ATP8A2: variants seen among roughly 807,000 people sequenced by gnomAD.
The protein encoded by ATP8A2 is phospholipid-transporting ATPase IB.
ATP8A2 carries 100 observed loss-of-function variants against 165.6 expected under a neutral mutation model. The observed-to-expected ratio is 0.60, with a 90% CI of 0.51 to 0.71. The LOEUF (loss-of-function observed/expected upper bound fraction) is 0.71, where lower values mean the gene tolerates loss of function less well. Among genes scored for constraint, ATP8A2 ranks in the 30% least tolerant of loss-of-function variants. The probability of loss-of-function intolerance (pLI) is 0.00; values close to 1 mark genes in which losing one functional copy is unlikely to be tolerated. For missense variants in ATP8A2, 1,227 were observed against 1,479.5 expected (o/e 0.83, Z 2.80); for synonymous variants, 543 against 548.8 (o/e 0.99, Z 0.15).
intron 27 of ATP8A2, among the ~76,000 whole-genome samples, chr13:25,788,947 C>T (rs908077679): frequency 6.6e-6 from 1 of 152,158 alleles, no homozygotes; most frequent in African/African-American, 2.4e-5. Context: ...AGATGCTTTG[C>T]TTGAGTTACA....
intron 25 of ATP8A2, among the ~76,000 whole-genome samples, chr13:25,738,990 T>C (rs914787672): frequency 3.3e-5 from 5 of 152,258 alleles, no homozygotes; most frequent in African/African-American, 4.8e-5. Context: ...GTCCAACTTA[T>C]CTTGTTGATG....
At chr13:25,662,273 G>T (rs1327842518) in intron 24 of ATP8A2, among the ~76,000 whole-genome samples, 1 of 152,124 alleles carries the variant, frequency 6.6e-6, no homozygotes, top group Non-Finnish European at 1.5e-5. Context: ...TTAACCAGGA[G>T]ACAAAGGAAG....
intron 30 of ATP8A2, among the ~76,000 whole-genome samples, chr13:25,855,386 G>A (rs1462155735): frequency 2.6e-5 from 4 of 152,166 alleles, no homozygotes; most frequent in Non-Finnish European, 5.9e-5. Flanking sequence ...GTGGCCTTTG[G>A]TGTCTGGCTT....
intron 24 of ATP8A2, among the ~76,000 whole-genome samples, chr13:25,629,222 A>G (rs1331202164): frequency 6.6e-6 from 1 of 152,154 alleles, no homozygotes. Context: ...TTGGCTGTTG[A>G]TTGTTGTAAC....
chr13:25,897,951 A>C (rs1953611149), intron 33 of ATP8A2, among the ~76,000 whole-genome samples: 1 of 151,982 alleles, frequency 6.6e-6, no homozygotes, highest in South Asian at 2.1e-4. Context: ...TTTTTTTCAA[A>C]GTTTTTAACT....
intron 2 of ATP8A2, among the ~76,000 whole-genome samples, chr13:25,518,219 A>G (rs2137824195): frequency 6.6e-6 from 1 of 152,306 alleles, no homozygotes; most frequent in African/African-American, 2.4e-5. Context: ...TCAACTTCCA[A>G]TCATCTAGAA....
intron 27 of ATP8A2, among the ~76,000 whole-genome samples, chr13:25,816,235 A>G (rs1445405650): frequency 2.0e-5 from 3 of 152,224 alleles, no homozygotes; most frequent in Non-Finnish European, 4.4e-5. Context: ...TGAGATTTGT[A>G]GATACATGGA....
At chr13:25,532,158 T>G in intron 4 of ATP8A2, 114 bp from the exon 5 acceptor site, 1 of 792,158 alleles carries the variant, frequency 1.3e-6, no homozygotes, top group Non-Finnish European at 2.1e-6. Context: ...AGCATGAGCA[T>G]TATTGGCATT....
At chr13:25,447,191 T>C (rs1363764410) in intron 1 of ATP8A2, among the ~76,000 whole-genome samples, 1 of 152,218 alleles carries the variant, frequency 6.6e-6, no homozygotes, top group Non-Finnish European at 1.5e-5. Context: ...TTTTGACAAA[T>C]AATTTTTGGG....
rs181291490 is a variant in ATP8A2 at position 25,421,988 on chromosome 13, C to A, written c.77-46989C>A. On this transcript the variant is annotated intron_variant, in intron 1 of 36. Coordinates refer to ENST00000381655, the MANE Select transcript of ATP8A2 (RefSeq NM_016529.6). The stretch of plus-strand genomic sequence containing the variant: ...GTACCTAGAACAGATCTGCTCGTTA[C>A]GTCCTCCCTACCTCAGTCCCACCAG... Among the ~76,000 whole-genome samples the A allele has an allele frequency of 2.6e-5, 4 of 152,300 alleles. No homozygotes were observed. In the East Asian group the frequency reaches 5.8e-4, roughly 22 times the overall value.
chr13:25,748,098 T>G (rs966235098), intron 25 of ATP8A2, among the ~76,000 whole-genome samples: 1 of 152,252 alleles, frequency 6.6e-6, no homozygotes, highest in Admixed American at 6.5e-5. Context: ...GAGATATATT[T>G]GTATCATCAT....
chr13:25,944,576 A>T (rs7990265), intron 33 of ATP8A2: 58,294 of 151,662 alleles, frequency 0.38, 11,552 homozygotes, highest in African/African-American at 0.49. Context: ...ACCAGTAGGG[A>T]ATCTGCACTA....
intron 2 of ATP8A2, among the ~76,000 whole-genome samples, chr13:25,516,706 A>G (rs1478352346): frequency 6.6e-6 from 1 of 151,864 alleles, no homozygotes; most frequent in Non-Finnish European, 1.5e-5. Flanking sequence ...AAAATTAAAT[A>G]AATCTCATAA....
chr13:25,857,082 C>T (rs12866923), intron 30 of ATP8A2, among the ~76,000 whole-genome samples: 30,157 of 152,154 alleles, frequency 0.2, 3,301 homozygotes, highest in Non-Finnish European at 0.25. Flanking sequence ...AAGCTCTTTG[C>T]TGTGGTCCAC....
chr13:25,893,512 C>T (rs1336951318), intron 33 of ATP8A2, among the ~76,000 whole-genome samples: 14 of 147,908 alleles, frequency 9.5e-5, no homozygotes, highest in African/African-American at 2.2e-4. Flanking sequence ...AATAAACATA[C>T]GTGTGCATGT....
At chr13:25,884,134 A>C (rs540845287) in intron 33 of ATP8A2, among the ~76,000 whole-genome samples, 12 of 152,188 alleles carry the variant, frequency 7.9e-5, no homozygotes, top group African/African-American at 1.4e-4. Context: ...GGTTAATGGA[A>C]GGACAGTGGG....
chr13:25,526,481 G>A (rs75730851), intron 2 of ATP8A2, among the ~76,000 whole-genome samples: 5,815 of 152,252 alleles, frequency 0.038, 139 homozygotes, highest in Non-Finnish European at 0.051. Flanking sequence ...TTTACCTGTT[G>A]AATTTCTTTC....
intron 4 of ATP8A2, 54 bp downstream of exon 4, chr13:25,530,714 A>G: frequency 9.2e-7 from 1 of 1,092,624 alleles, no homozygotes; most frequent in Non-Finnish European, 1.4e-6. Context: ...ATAATAACTT[A>G]TGTGTTGCCT....
At chr13:25,385,506 A>T (rs971693511) in intron 1 of ATP8A2, among the ~76,000 whole-genome samples, 2 of 152,256 alleles carry the variant, frequency 1.3e-5, no homozygotes, top group African/African-American at 4.8e-5. Context: ...TTACCTATTC[A>T]TATAAAATTA....
Sources: gnomAD v4.1 joint callset for allele counts (sites outside exome capture counted in the v4.1 genomes callset) on GRCh38, gnomAD v4.1.1 for gene constraint, MANE v1.5 for transcripts, NCBI Gene and HGNC (gene_info 2026-07-23, HGNC 2026-07-21) for gene names.